The following CCDC93 variants were observed in gnomAD, a reference collection of about 807,000 sequenced individuals.
CCDC93 encodes the protein CCC complex scaffolding subunit CCDC93, also known as coiled-coil domain-containing protein 93.
CCDC93 carries 61 observed loss-of-function variants against 108.2 expected under a neutral mutation model. The ratio of observed to expected loss-of-function variants is 0.56; its 90% CI spans 0.46 to 0.70. The LOEUF is 0.70. Ranked by LOEUF, CCDC93 falls within the 30% of genes least tolerant of loss-of-function variation. The pLI is 0.00. For missense variants in CCDC93, 685 were observed against 764.2 expected, an observed-to-expected ratio of 0.90 and a Z score of 1.22; for synonymous variants, 276 against 260.4, an observed-to-expected ratio of 1.06 and a Z score of -0.58.
intron 1 of CCDC93, among the ~76,000 whole-genome samples, chr2:118,009,971 C>T (rs1355442818): frequency 6.6e-6 from 1 of 152,006 alleles, no homozygotes; most frequent in East Asian, 1.9e-4. Context: ...GTCACCCTGG[C>T]TGGAGCACGG....
In CCDC93 at chr2:117,973,414, GAA is replaced by G. The variant is rs11387750; in HGVS notation, c.888+492_888+493del. Among the ~76,000 whole-genome samples, 144 of 142,292 alleles carry G rather than the reference GAA, an allele frequency of 1.0e-3. 1 individual carries two copies. The East Asian group carries it at 0.027, about 27-fold the overall frequency. 93.3% of individuals were successfully genotyped at this position (142,292 alleles called of 152,430 possible). A position where few individuals can be genotyped will look rare whatever the true frequency, so the allele number is the denominator to read the frequency against. On this transcript the variant is annotated intron_variant, in intron 11 of 23. Transcript: ENST00000376300. ...GGTCTTCCTGCCTTTTCTTAGGATG[GAA>G]AAAAAAAAAAAAAGCAAACTCTGAA...
At chr2:117,959,634 C>T (rs1029877102) in intron 11 of CCDC93, among the ~76,000 whole-genome samples, 3 of 152,170 alleles carry the variant, frequency 2.0e-5, no homozygotes, top group Non-Finnish European at 2.9e-5. Context: ...TCTTCTGCTA[C>T]TTAACAATTT....
At chr2:117,932,072 G>A (rs956139891) in intron 22 of CCDC93, among the ~76,000 whole-genome samples, 1 of 152,134 alleles carries the variant, frequency 6.6e-6, no homozygotes, top group African/African-American at 2.4e-5. Context: ...GAGGGTGGGT[G>A]CATGGCCTCC....
intron 12 of CCDC93, among the ~76,000 whole-genome samples, chr2:117,953,872 T>C (rs1369593780): frequency 6.6e-6 from 1 of 151,960 alleles, no homozygotes; most frequent in Non-Finnish European, 1.5e-5. Flanking sequence ...CTAGCGTAGA[T>C]GATGGAGTGA....
intron 12 of CCDC93, among the ~76,000 whole-genome samples, chr2:117,952,671 T>C (rs1679096345): frequency 6.6e-6 from 1 of 152,206 alleles, no homozygotes; most frequent in South Asian, 2.1e-4. Context: ...AATCTTTATA[T>C]TCAGTGAAAA....
chr2:118,013,427 C>G (rs1439042010), intron 1 of CCDC93, among the ~76,000 whole-genome samples: 1 of 152,082 alleles, frequency 6.6e-6, no homozygotes, highest in East Asian at 1.9e-4. Context: ...CCGCCCCGGC[C>G]CGGGTCCACG....
In CCDC93 at chr2:117,949,682, G is replaced by C. The variant is rs969076719; in HGVS notation, c.1069-287C>G. 3 of 845,520 alleles carry C rather than the reference G, an allele frequency of 3.5e-6. No homozygotes were observed. In the African/African-American group the frequency reaches 5.5e-5, roughly 16 times the overall value. 52.4% of individuals were successfully genotyped at this position (845,520 alleles called of 1,614,324 possible). On this transcript the variant is annotated intron_variant, in intron 13 of 23. Transcript: ENST00000376300. The stretch of plus-strand genomic sequence containing the variant: ...GTACTTTTTGAATTTTGTACGATGT[G>C]AATGTGTTACTTATTCAAAAATTAA...
Position 117,930,929 on chromosome 2 carries a change from C to T in CCDC93, c.1842+108G>A, listed in dbSNP as rs1474908566. The T allele has an allele frequency of 1.8e-5, 12 of 666,282 alleles. No individual in the cohort carries two copies. The East Asian group carries it at 2.6e-4, about 14-fold the overall frequency. 41.3% of individuals were successfully genotyped at this position (666,282 alleles called of 1,614,324 possible). A position where few individuals can be genotyped will look rare whatever the true frequency, so the allele number is the denominator to read the frequency against. ...GATCACACTCTGTCTTGTTATTTCCCTTCACAGACCAGAGGAAAACCAAAA... is the reference window on the plus strand; with the variant it reads ...GATCACACTCTGTCTTGTTATTTCCTTTCACAGACCAGAGGAAAACCAAAA... On this transcript the variant is annotated intron_variant, in intron 23 of 23. Transcript: ENST00000376300.
chr2:117,943,709 C>G (rs1324713659), intron 18 of CCDC93, among the ~76,000 whole-genome samples: 1 of 152,230 alleles, frequency 6.6e-6, no homozygotes, highest in African/African-American at 2.4e-5. Context: ...TGATGTCACT[C>G]TCACAAACTG....
intron 2 of CCDC93, 145 bp downstream of exon 2, chr2:118,008,400 C>T: frequency 5.0e-6 from 3 of 601,200 alleles, no homozygotes; most frequent in Non-Finnish European, 8.8e-6. Flanking sequence ...AGTTTGAACA[C>T]TTCCATAATG....
At chr2:117,967,419 T>C (rs1038488279) in intron 11 of CCDC93, among the ~76,000 whole-genome samples, 2 of 152,256 alleles carry the variant, frequency 1.3e-5, no homozygotes, top group African/African-American at 4.8e-5. Flanking sequence ...TTATGGTGTG[T>C]GAGTGCCTGG....
At chr2:117,928,949 T>C (rs959735966) in intron 23 of CCDC93, among the ~76,000 whole-genome samples, 7 of 152,224 alleles carry the variant, frequency 4.6e-5, no homozygotes, top group African/African-American at 9.7e-5. Flanking sequence ...GATGAGTTCA[T>C]GTCCTTTGTA....
At chr2:118,003,999 A>T (rs1370706194) in intron 3 of CCDC93, among the ~76,000 whole-genome samples, 3 of 152,236 alleles carry the variant, frequency 2.0e-5, no homozygotes, top group Non-Finnish European at 1.5e-5. Flanking sequence ...TAACATGCCC[A>T]GCTGTGACTA....
rs1212774193 is a variant in CCDC93 at position 117,918,625 on chromosome 2, CTGAAA to C, written c.*1713_*1717del. The C allele has an allele frequency of 2.0e-5, 3 of 152,278 alleles. No homozygotes were observed. Among genetic ancestry groups the C allele is most frequent in the African/African-American group, 7.2e-5 (3 of 41,468 alleles). The allele number at this position is 152,278 out of a possible 1,614,324, so 9.4% of individuals were successfully genotyped here. A position where few individuals can be genotyped will look rare whatever the true frequency, so the allele number is the denominator to read the frequency against. ...CAAGACAACGCAGATGTTTCCCTGA[CTGAAA>C]TAATTTCAAACGCAGTCAAACTTCT... On this transcript the variant is annotated 3_prime_UTR_variant, in exon 24 of 24. Coordinates refer to ENST00000376300, the MANE Select transcript of CCDC93 (RefSeq NM_019044.5).
intron 20 of CCDC93, among the ~76,000 whole-genome samples, chr2:117,937,832 T>C (rs1678571073): frequency 6.6e-6 from 1 of 152,192 alleles, no homozygotes; most frequent in Non-Finnish European, 1.5e-5. Context: ...ATGTCTGTTA[T>C]ACGCCTACCA....
Position 117,973,412 on chromosome 2 carries a change from T to TG in CCDC93, c.888+495dup, listed in dbSNP as rs1491194239. Among the ~76,000 whole-genome samples the TG allele has an allele frequency of 7.3e-3, 407 of 55,806 alleles. 1 individual carries two copies. The highest frequency in any genetic ancestry group is 0.017 in the African/African-American group (327 of 19,740). The allele number at this position is 55,806 out of a possible 152,430, so 36.6% of individuals were successfully genotyped here. A position where few individuals can be genotyped will look rare whatever the true frequency, so the allele number is the denominator to read the frequency against. On this transcript the variant is annotated intron_variant, in intron 11 of 23. Coordinates refer to ENST00000376300, the MANE Select transcript of CCDC93 (RefSeq NM_019044.5). ...AAGGTCTTCCTGCCTTTTCTTAGGA[T>TG]GGAAAAAAAAAAAAAAAGCAAACTC... is the stretch of plus-strand genomic sequence containing the variant.
At chr2:117,958,273 A>G in intron 12 of CCDC93, 92 bp downstream of exon 12, 1 of 778,910 alleles carries the variant, frequency 1.3e-6, no homozygotes, top group South Asian at 1.5e-5. Context: ...GACTGGCCCA[A>G]GCACCACAGT....
chr2:117,980,460 G>T (rs776017312), intron 7 of CCDC93, among the ~76,000 whole-genome samples: 1 of 152,112 alleles, frequency 6.6e-6, no homozygotes, highest in Non-Finnish European at 1.5e-5. Context: ...ATAAGGAAGT[G>T]AACAACCAAA....
chr2:117,997,293 G>T (rs1227915025), intron 4 of CCDC93: 2 of 152,250 alleles, frequency 1.3e-5, no homozygotes, highest in Non-Finnish European at 2.9e-5. Flanking sequence ...CGCTCTGAGG[G>T]TAAGGGTGTA....
Sources: gnomAD v4.1 joint callset for allele counts (sites outside exome capture counted in the v4.1 genomes callset) on GRCh38, gnomAD v4.1.1 for gene constraint, MANE v1.5 for transcripts, NCBI Gene and HGNC (gene_info 2026-07-23, HGNC 2026-07-21) for gene names.